PPP2R5B: variants seen among roughly 807,000 people sequenced by gnomAD.
PPP2R5B encodes the protein protein phosphatase 2 regulatory subunit B'beta, also known as serine/threonine-protein phosphatase 2A 56 kDa regulatory subunit beta isoform.
A neutral mutation model predicts 59.9 loss-of-function variants in PPP2R5B; 19 were observed. The ratio of observed to expected loss-of-function variants is 0.32; its 90% CI spans 0.22 to 0.47. PPP2R5B has a LOEUF of 0.47. Among genes scored for constraint, PPP2R5B ranks in the 20% least tolerant of loss-of-function variants. The probability of loss-of-function intolerance (pLI) is 1.00; values close to 1 mark genes in which losing one functional copy is unlikely to be tolerated. For synonymous variants in PPP2R5B, 286 were observed against 260.5 expected, an observed-to-expected ratio of 1.10 and a Z score of -0.94; for missense variants, 441 against 640.2, an observed-to-expected ratio of 0.69 and a Z score of 3.36.
chr11:64,921,229 T>A (rs1364879164), upstream of PPP2R5B, among the ~76,000 whole-genome samples: 1 of 152,128 alleles, frequency 6.6e-6, no homozygotes, highest in Non-Finnish European at 1.5e-5. Flanking sequence ...GTGCTGAGAT[T>A]ACAGGCATGA....
intron 6 of PPP2R5B, among the ~76,000 whole-genome samples, chr11:64,929,965 T>C (rs1373542098): frequency 1.3e-5 from 2 of 152,216 alleles, no homozygotes; most frequent in African/African-American, 4.8e-5. Flanking sequence ...CGCTGAGTCT[T>C]GATTTCTTCA....
At chr11:64,932,012 C>A in intron 11 of PPP2R5B, 144 bp downstream of exon 11, 4 of 1,356,916 alleles carry the variant, frequency 2.9e-6, no homozygotes, top group Non-Finnish European at 4.0e-6. Flanking sequence ...GGTCAGGAGA[C>A]CTAGGGTGAA....
intron 13 of PPP2R5B, 138 bp from the exon 14 acceptor site, chr11:64,933,559 T>C: frequency 8.8e-7 from 1 of 1,140,172 alleles, no homozygotes; most frequent in Non-Finnish European, 1.2e-6. Flanking sequence ...AGTAGAGGGT[T>C]TTTATGGAGT....
chr11:64,925,834 C>A lies in PPP2R5B; in HGVS notation c.100C>A (p.Arg34Ser), dbSNP rs772806139. The A allele has an allele frequency of 6.2e-7, 1 of 1,610,186 alleles. No individual in the cohort carries two copies. Among genetic ancestry groups the A allele is most frequent in the Non-Finnish European group, 8.5e-7 (1 of 1,179,284 alleles). ...CGACAAGGTGGACGGCTTCTCCCGC[C>A]GTTCCCTCCGCAGAGCCCGGCCCCG... is the stretch of plus-strand genomic sequence containing the variant. ...PPDKVDGFSR[R>S]SLRRARPRRS... The change falls in exon 2 of 14, where the codon CGT (arginine) becomes AGT (serine). Residue 34 changes from arginine (R) to serine (S), a missense_variant. Arg to Ser is a moderately radical substitution (Grantham distance 110). This residue lies in a region of PPP2R5B where 103 missense variants were observed against 87.9 expected (regional missense o/e 1.17). Coordinates refer to ENST00000164133, the MANE Select transcript of PPP2R5B (RefSeq NM_006244.4). This position sits in a 1 kb window ranked among gnomAD's most constrained non-coding sequence, Gnocchi z 4.6.
rs1026292727 is a variant in PPP2R5B, at chr11:64,926,565, C to T, written c.200-147C>T. On this transcript the variant is annotated intron_variant, in intron 2 of 13. Coordinates refer to ENST00000164133, the MANE Select transcript of PPP2R5B (RefSeq NM_006244.4). The stretch of plus-strand genomic sequence containing the variant: ...TGGAGGAAGGGACAGTAGTTGTTTG[C>T]TGTCTGCAAGGAGCAGGAGATGGCA... 1.3e-4 allele frequency: 104 copies of T among 787,948 alleles called. No individual in the cohort carries two copies. The African/African-American group carries it at 1.7e-3, about 13-fold the overall frequency. The allele number at this position is 787,948 out of a possible 1,614,324, so 48.8% of individuals were successfully genotyped here.
At chr11:64,933,550 G>T in intron 13 of PPP2R5B, 147 bp from the exon 14 acceptor site, 1 of 1,057,854 alleles carries the variant, frequency 9.5e-7, no homozygotes, top group South Asian at 1.7e-5. Context: ...TCTTCCCTCA[G>T]TAGAGGGTTT....
intron 6 of PPP2R5B, 70 bp downstream of exon 6, chr11:64,928,495 G>A (rs1371970201): frequency 2.5e-6 from 4 of 1,602,250 alleles, no homozygotes; most frequent in Middle Eastern, 1.7e-4. Context: ...CTGCGGCAAA[G>A]GCCATGTGCG....
intron 6 of PPP2R5B, among the ~76,000 whole-genome samples, chr11:64,930,064 C>T (rs1396618753): frequency 6.6e-6 from 1 of 152,160 alleles, no homozygotes; most frequent in Non-Finnish European, 1.5e-5. Flanking sequence ...GTTTGTCATT[C>T]TCTTGGTTGA....
intron 8 of PPP2R5B, 69 bp downstream of exon 8, chr11:64,930,658 G>A (rs1945219597): frequency 1.5e-6 from 2 of 1,308,290 alleles, no homozygotes; most frequent in Non-Finnish European, 2.2e-6. Context: ...GGGTCCTGGA[G>A]GTCAGATCCT....
At position 64,934,407 on chromosome 11, in the gene PPP2R5B, G is replaced by GA; in HGVS notation, c.*563_*564insA. 1 of 362,816 alleles carries GA rather than the reference G, an allele frequency of 2.8e-6. No individual in the cohort carries two copies. The allele number at this position is 362,816 out of a possible 1,614,324, so 22.5% of individuals were successfully genotyped here. ...TCACAGTGTCCTGGGGTAAGGGGGG[G>GA]TTCACAGTAATCATGGTCTACTCCT... is the stretch of plus-strand genomic sequence containing the variant. On this transcript the variant is annotated 3_prime_UTR_variant, in exon 14 of 14. Coordinates refer to ENST00000164133, the MANE Select transcript of PPP2R5B (RefSeq NM_006244.4).
Position 64,928,073 on chromosome 11 carries a change from A to C in PPP2R5B, c.506A>C (p.Tyr169Ser). 6.2e-7 allele frequency: 1 copy of C among 1,614,138 alleles called. No individual in the cohort carries two copies. The highest frequency in any genetic ancestry group is 8.5e-7 in the Non-Finnish European group (1 of 1,179,994). Residue 169 changes from tyrosine (Y) to serine (S), a missense_variant, in exon 5 of 14, where the codon TAT becomes TCT. Around this residue, in one of 3 missense-constraint regions of PPP2R5B, gnomAD observed 268 missense variants for 488.1 expected, o/e 0.55. Coordinates refer to ENST00000164133, the MANE Select transcript of PPP2R5B (RefSeq NM_006244.4). ...TCTGTCCCCCTCCCCCAGCTGGTATATGAGTTTTTCCTGCGTTTCTTGGAG... is the reference window on the plus strand; with the variant it reads ...TCTGTCCCCCTCCCCCAGCTGGTATCTGAGTTTTTCCTGCGTTTCTTGGAG... ...EPSWPHLQLVYEFFLRFLESP... is the reference protein window; with the variant it reads ...EPSWPHLQLVSEFFLRFLESP...
rs1945146959 is a variant in PPP2R5B, at chr11:64,925,230, C to T, written c.-265+202C>T. Reference sequence around the variant, plus strand: ...TGACGATCGGGGCTCCATTCTGAGTCGGGGCTGGCTTGGGGGATAGGCCCT... The same window carrying T: ...TGACGATCGGGGCTCCATTCTGAGTTGGGGCTGGCTTGGGGGATAGGCCCT... On this transcript the variant is annotated intron_variant, in intron 1 of 13. Coordinates refer to ENST00000164133, the MANE Select transcript of PPP2R5B (RefSeq NM_006244.4). The surrounding 1 kb of genome is among the most constrained non-coding windows in gnomAD (Gnocchi z 4.6). Among the ~76,000 whole-genome samples, 2 of 152,038 alleles carry T rather than the reference C, an allele frequency of 1.3e-5. No homozygotes were observed. Among genetic ancestry groups the T allele is most frequent in the Non-Finnish European group, 2.9e-5 (2 of 67,960 alleles).
chr11:64,920,222 G>A (rs961824679), upstream of PPP2R5B, among the ~76,000 whole-genome samples: 22 of 152,176 alleles, frequency 1.4e-4, no homozygotes, highest in African/African-American at 5.3e-4. Context: ...TCCTTTCTAG[G>A]CCCCTGGAGC....
At chr11:64,920,943 C>CTATATA (rs59230229), upstream of PPP2R5B, among the ~76,000 whole-genome samples, 57,347 of 134,594 alleles carry the variant, frequency 0.43, 13,845 homozygotes, top group Middle Eastern at 0.58. Flanking sequence ...TCCAGCAGTT[C>CTATATA]TATATATATA....
At chr11:64,929,835 G>A (rs988177508) in intron 6 of PPP2R5B, among the ~76,000 whole-genome samples, 8 of 152,200 alleles carry the variant, frequency 5.3e-5, no homozygotes, top group African/African-American at 1.4e-4. Flanking sequence ...GACTGAGGCC[G>A]GGACTCTGAA....
Position 64,925,587 on chromosome 11 carries a change from T to C in PPP2R5B, c.-148T>C, listed in dbSNP as rs1590675390. On this transcript the variant is annotated 5_prime_UTR_variant, in exon 2 of 14. Coordinates refer to ENST00000164133, the MANE Select transcript of PPP2R5B (RefSeq NM_006244.4). The surrounding 1 kb of genome is among the most constrained non-coding windows in gnomAD (Gnocchi z 4.6). ...AGGACTGGGCAGTTGCAGGAGGCCC[T>C]GGGGGGGGGCCCAGGACTGTGGTTG... 1 of 505,330 alleles carries C rather than the reference T, an allele frequency of 2.0e-6. No individual in the cohort carries two copies. The highest frequency in any genetic ancestry group is 3.5e-5 in the East Asian group (1 of 28,356). The allele number at this position is 505,330 out of a possible 1,614,324, so 31.3% of individuals were successfully genotyped here. A position where few individuals can be genotyped will look rare whatever the true frequency, so the allele number is the denominator to read the frequency against.
rs1945159603 is a variant in PPP2R5B, at chr11:64,925,966, AC to A, written c.199+38del. The A allele has an allele frequency of 7.5e-6, 12 of 1,592,504 alleles. No homozygotes were observed. The highest frequency in any genetic ancestry group is 1.0e-5 in the Non-Finnish European group (12 of 1,168,658). On this transcript the variant is annotated intron_variant, in intron 2 of 13. Coordinates refer to ENST00000164133, the MANE Select transcript of PPP2R5B (RefSeq NM_006244.4). This position sits in a 1 kb window ranked among gnomAD's most constrained non-coding sequence, Gnocchi z 4.6. Reference sequence around the variant, plus strand: ...GGCTGCTGGCCACTGGGGGAACCGAACCCCCGAGGGGACCAGCAGGGCCATG... The same window carrying A: ...GGCTGCTGGCCACTGGGGGAACCGAACCCCGAGGGGACCAGCAGGGCCATG...
chr11:64,928,191 C>T (rs759359115), intron 5 of PPP2R5B, 33 bp downstream of exon 5: 2 of 1,613,720 alleles, frequency 1.2e-6, no homozygotes, highest in Non-Finnish European at 1.7e-6. Context: ...GGTGGTACCA[C>T]AAGGCAGGGG....
chr11:64,922,404 G>A (rs1188057975), upstream of PPP2R5B, among the ~76,000 whole-genome samples: 2 of 152,116 alleles, frequency 1.3e-5, no homozygotes, highest in East Asian at 3.9e-4. Flanking sequence ...AGGATTGCTT[G>A]GGCCTGGGAG....
Sources: gnomAD v4.1 joint callset for allele counts (sites outside exome capture counted in the v4.1 genomes callset) on GRCh38, gnomAD v4.1.1 for gene constraint, gnomAD v4.1.1 regional missense constraint, Gnocchi (gnomAD v3.1) non-coding constraint, MANE v1.5 for transcripts, NCBI Gene and HGNC (gene_info 2026-07-23, HGNC 2026-07-21) for gene names.